TPX2: variants seen among roughly 807,000 people sequenced by gnomAD.
The protein encoded by TPX2 is TPX2 microtubule nucleation factor, also known as targeting protein for Xklp2.
Under a neutral mutation model 93.6 loss-of-function variants are expected in TPX2, and 21 were observed. That is an observed-to-expected ratio of 0.22 (90% CI 0.16 to 0.32). TPX2 has a LOEUF of 0.32. Ranked by LOEUF, TPX2 falls within the 10% of genes least tolerant of loss-of-function variation. TPX2 has a pLI of 1.00. For missense variants in TPX2, 776 were observed against 871.1 expected (o/e 0.89, Z 1.37); for synonymous variants, 281 against 298.3 (o/e 0.94, Z 0.60).
At chr20:31,776,011 C>G (rs55770901) in intron 8 of TPX2, 23 bp downstream of exon 8, 1 of 1,311,244 alleles carries the variant, frequency 7.6e-7, no homozygotes, top group South Asian at 1.5e-5. Context: ...GTGGTTGAGT[C>G]TGATTCATGA....
At chr20:31,772,605 G>C (rs2061970945) in intron 7 of TPX2, among the ~76,000 whole-genome samples, 1 of 152,178 alleles carries the variant, frequency 6.6e-6, no homozygotes, top group Non-Finnish European at 1.5e-5. Context: ...TTTTACCCAA[G>C]CCAGCATACA....
intron 2 of TPX2, among the ~76,000 whole-genome samples, chr20:31,747,464 A>G (rs6089059): frequency 0.01 from 1,468 of 145,900 alleles, 18 homozygotes; most frequent in African/African-American, 0.038. Context: ...CTGTCTGTCT[A>G]TCTATCTATC....
At chr20:31,798,339 A>G in intron 16 of TPX2, 26 bp from the exon 17 acceptor site, 1 of 1,613,698 alleles carries the variant, frequency 6.2e-7, no homozygotes, top group South Asian at 1.1e-5. Context: ...CTTGTGCACC[A>G]ATATTTTTTC....
chr20:31,795,073 G>A (rs975460317), intron 15 of TPX2, among the ~76,000 whole-genome samples: 3 of 152,030 alleles, frequency 2.0e-5, no homozygotes, highest in East Asian at 1.9e-4. Flanking sequence ...TGTCCGCCTC[G>A]GCTTCCCGAA....
intron 12 of TPX2, 140 bp downstream of exon 12, chr20:31,784,061 T>C: frequency 1.1e-6 from 1 of 928,794 alleles, no homozygotes; most frequent in Non-Finnish European, 1.6e-6. Flanking sequence ...TTATCGGAAG[T>C]GGATTTTGCT....
At chr20:31,799,544 T>C (rs1568614268) in intron 17 of TPX2, among the ~76,000 whole-genome samples, 1 of 152,208 alleles carries the variant, frequency 6.6e-6, no homozygotes, top group East Asian at 1.9e-4. Context: ...CATTCCATAA[T>C]GTATGTCTAC....
At chr20:31,747,310 G>A (rs6121216) in intron 2 of TPX2, among the ~76,000 whole-genome samples, 3,574 of 152,104 alleles carry the variant, frequency 0.023, 125 homozygotes, top group African/African-American at 0.079. Context: ...TAGTAGAGAC[G>A]GGTTTCACCA....
At chr20:31,778,388 G>A (rs2062014706) in intron 9 of TPX2, among the ~76,000 whole-genome samples, 1 of 152,138 alleles carries the variant, frequency 6.6e-6, no homozygotes. Context: ...CTCTTTAGGG[G>A]ATGTATGGAG....
chr20:31,754,333 G>A (rs1465967676), intron 2 of TPX2, among the ~76,000 whole-genome samples: 3 of 152,004 alleles, frequency 2.0e-5, no homozygotes, highest in East Asian at 1.9e-4. Context: ...CTCCCGCCGC[G>A]TCCTCCCAAA....
chr20:31,741,022 A>G (rs1041879829), intron 1 of TPX2, among the ~76,000 whole-genome samples: 1 of 152,214 alleles, frequency 6.6e-6, no homozygotes, highest in Non-Finnish European at 1.5e-5. Flanking sequence ...TTATGCATAA[A>G]TCTGTGTATT....
intron 2 of TPX2, among the ~76,000 whole-genome samples, chr20:31,756,823 T>G (rs2122978109): frequency 6.6e-6 from 1 of 152,086 alleles, no homozygotes; most frequent in Non-Finnish European, 1.5e-5. Flanking sequence ...GAAGAGGTTT[T>G]GCCATGTTGG....
Position 31,778,907 on chromosome 20 carries a change from C to T in TPX2, c.977C>T (p.Pro326Leu). The T allele has an allele frequency of 6.2e-7, 1 of 1,612,330 alleles. No homozygotes were observed. The highest frequency in any genetic ancestry group is 8.5e-7 in the Non-Finnish European group (1 of 1,179,642). The part of the protein sequence containing the change: ...TFDETVSTYV[P>L]LAQQVEDFHK... The stretch of plus-strand genomic sequence containing the variant: ...GATGAAACAGTTTCTACATATGTGC[C>T]CCTTGCACAGCAAGTTGAAGACTTC... Residue 326 changes from proline to leucine, a missense_variant, in exon 10 of 18, where the codon CCC (proline) becomes CTC (leucine). Physicochemically the swap from Pro to Leu is moderately conservative, Grantham distance 98. This residue lies in a region of TPX2 where 461 missense variants were observed against 551.2 expected (regional missense o/e 0.84). Coordinates refer to ENST00000300403, the MANE Select transcript of TPX2 (RefSeq NM_012112.5).
At chr20:31,799,063 A>G (rs1568613867) in intron 17 of TPX2, among the ~76,000 whole-genome samples, 1 of 152,228 alleles carries the variant, frequency 6.6e-6, no homozygotes, top group Non-Finnish European at 1.5e-5. Context: ...ATGGGAATTA[A>G]ATGGCAACTG....
intron 3 of TPX2, 37 bp downstream of exon 3, chr20:31,757,619 G>C (rs2061860334): frequency 6.4e-7 from 1 of 1,564,794 alleles, no homozygotes. Context: ...TTAAGGATTA[G>C]TGGCTTGCTT....
rs1246914527 is a variant in TPX2 at position 31,792,917 on chromosome 20, CA to C, written c.1509+90del. 5 of 1,196,834 alleles carry C rather than the reference CA, an allele frequency of 4.2e-6. No individual in the cohort carries two copies. The African/African-American group carries it at 6.1e-5, about 15-fold the overall frequency. 74.1% of individuals were successfully genotyped at this position (1,196,834 alleles called of 1,614,324 possible). On this transcript the variant is annotated intron_variant, in intron 13 of 17. Transcript: ENST00000300403. ...ATCATTTATTAATCTTAATGGAGTT[CA>C]AAGGCAACCACTCTTTTTTGGACTT...
intron 12 of TPX2, among the ~76,000 whole-genome samples, chr20:31,786,473 A>G (rs2062067942): frequency 6.7e-6 from 1 of 149,266 alleles, no homozygotes; most frequent in Non-Finnish European, 1.5e-5. Context: ...GTGTAATCTC[A>G]GCTCACTGCA....
intron 17 of TPX2, among the ~76,000 whole-genome samples, chr20:31,800,347 C>G (rs897650845): frequency 2.0e-5 from 3 of 152,134 alleles, no homozygotes; most frequent in African/African-American, 7.2e-5. Flanking sequence ...GTGTTTGTCC[C>G]CATTATAGAA....
chr20:31,745,724 T>G (rs564024715), intron 2 of TPX2, among the ~76,000 whole-genome samples: 1 of 152,234 alleles, frequency 6.6e-6, no homozygotes, highest in Non-Finnish European at 1.5e-5. Context: ...ATGACTGCTA[T>G]TTGACTAGGA....
chr20:31,744,938 T>G (rs1475786468), intron 2 of TPX2, among the ~76,000 whole-genome samples: 1 of 151,954 alleles, frequency 6.6e-6, no homozygotes, highest in Non-Finnish European at 1.5e-5. Context: ...AATACACAAA[T>G]TAGCCAGGCA....
Sources: gnomAD v4.1 joint callset for allele counts (sites outside exome capture counted in the v4.1 genomes callset) on GRCh38, gnomAD v4.1.1 for gene constraint, gnomAD v4.1.1 regional missense constraint, MANE v1.5 for transcripts, NCBI Gene and HGNC (gene_info 2026-07-23, HGNC 2026-07-21) for gene names.